Variants in SNRK observed in about 807,000 individuals in gnomAD.
SNRK encodes SNF-related serine/threonine-protein kinase.
SNRK carries 3 observed loss-of-function variants against 48.2 expected under a neutral mutation model. The observed-to-expected ratio is 0.06, with a 90% CI of 0.03 to 0.16. SNRK has a LOEUF of 0.16. Ranked by LOEUF, SNRK falls within the 10% of genes least tolerant of loss-of-function variation. The pLI, the probability that SNRK is intolerant of heterozygous loss-of-function variation, is 1.00. For missense variants in SNRK, 627 were observed against 976.0 expected (o/e 0.64, Z 4.76); for synonymous variants, 376 against 366.1 (o/e 1.03, Z -0.31).
intron 3 of SNRK, among the ~76,000 whole-genome samples, chr3:43,331,331 G>A (rs1333626393): frequency 6.6e-6 from 1 of 152,086 alleles, no homozygotes; most frequent in Non-Finnish European, 1.5e-5. Context: ...TGATTGATGG[G>A]TTTGCTTTTT....
rs200784941 is a variant in SNRK at position 43,347,271 on chromosome 3, G to A, written c.1080-68G>A. Reference sequence around the variant, plus strand: ...GATTTTGTCCCAGTAAGTTCATTGTGATGTACTTTACTATCATCTGCATAA... The same window carrying A: ...GATTTTGTCCCAGTAAGTTCATTGTAATGTACTTTACTATCATCTGCATAA... On this transcript the variant is annotated intron_variant, in intron 6 of 6. Coordinates refer to ENST00000296088, the MANE Select transcript of SNRK (RefSeq NM_017719.5). The surrounding 1 kb of genome is among the most constrained non-coding windows in gnomAD (Gnocchi z 5.4). The A allele has an allele frequency of 1.0e-4, 147 of 1,437,416 alleles. 1 individual carries two copies. The East Asian group carries it at 2.8e-3, about 27-fold the overall frequency. The allele number at this position is 1,437,416 out of a possible 1,614,324, so 89.0% of individuals were successfully genotyped here.
At position 43,322,951 on chromosome 3, in the gene SNRK, C is replaced by CAAAAAAAAAAAAAAAAAAA. The variant is rs55847039; in HGVS notation, c.590-9203_590-9202insAAAAAAAAAAAAAAAAAAA. Among the ~76,000 whole-genome samples, 8 of 72,656 alleles carry CAAAAAAAAAAAAAAAAAAA rather than the reference C, an allele frequency of 1.1e-4. 1 individual carries two copies. Among genetic ancestry groups the CAAAAAAAAAAAAAAAAAAA allele is most frequent in the African/African-American group, 3.6e-4 (6 of 16,766 alleles). 47.7% of individuals were successfully genotyped at this position (72,656 alleles called of 152,430 possible). A position where few individuals can be genotyped will look rare whatever the true frequency, so the allele number is the denominator to read the frequency against. ...TGCGCGACAGAGTAAGACTCCGTCT[C>CAAAAAAAAAAAAAAAAAAA]AAAAAAAAAAAAAAAGACTGTATTG... On this transcript the variant is annotated intron_variant, in intron 3 of 6. Coordinates refer to ENST00000296088, the MANE Select transcript of SNRK (RefSeq NM_017719.5).
At chr3:43,302,455 A>T (rs541239088) in intron 2 of SNRK, among the ~76,000 whole-genome samples, 1 of 152,132 alleles carries the variant, frequency 6.6e-6, no homozygotes, top group African/African-American at 2.4e-5. Flanking sequence ...TAGAAGAAAA[A>T]AAAATAGAAC....
chr3:43,307,976 G>A (rs1005116403), intron 3 of SNRK, among the ~76,000 whole-genome samples: 4 of 152,320 alleles, frequency 2.6e-5, no homozygotes, highest in Middle Eastern at 3.4e-3. Flanking sequence ...GTGAACACAC[G>A]AATGGTAAGA....
chr3:43,327,966 T>TG, intron 3 of SNRK, among the ~76,000 whole-genome samples: 1 of 152,002 alleles, frequency 6.6e-6, no homozygotes, highest in East Asian at 1.9e-4. Flanking sequence ...GGTTTTTTTT[T>TG]TTTAAACCAA....
chr3:43,335,255 C>G (rs935004784), intron 4 of SNRK, among the ~76,000 whole-genome samples: 1 of 152,088 alleles, frequency 6.6e-6, no homozygotes, highest in Non-Finnish European at 1.5e-5. Context: ...TAGCTGCATC[C>G]CACTAGTTTT....
At chr3:43,335,366 A>G (rs2091178312) in intron 4 of SNRK, among the ~76,000 whole-genome samples, 1 of 152,188 alleles carries the variant, frequency 6.6e-6, no homozygotes, top group African/African-American at 2.4e-5. Context: ...TACATTTCCA[A>G]ATGTATGGCG....
In SNRK at chr3:43,297,263, GACCTGATGAGAAGTCATC is replaced by G. The variant is rs1215737495; in HGVS notation, c.-168-2489_-168-2472del. Reference sequence around the variant, plus strand: ...GTTAAGTATAGAGGATGTACACTCGGACCTGATGAGAAGTCATCATAGATGAGCGTATAGGTGATTTTT... The same window carrying G: ...GTTAAGTATAGAGGATGTACACTCGGATAGATGAGCGTATAGGTGATTTTT... On this transcript the variant is annotated intron_variant, in intron 1 of 6. Coordinates refer to ENST00000296088, the MANE Select transcript of SNRK (RefSeq NM_017719.5). 2.6e-5 allele frequency among the ~76,000 whole-genome samples: 4 copies of G among 152,284 alleles called. No individual in the cohort carries two copies. In the East Asian group the frequency reaches 7.7e-4, roughly 29 times the overall value.
chr3:43,311,024 A>T (rs762049918), intron 3 of SNRK, among the ~76,000 whole-genome samples: 2 of 151,974 alleles, frequency 1.3e-5, no homozygotes, highest in Non-Finnish European at 2.9e-5. Context: ...TACTCTAGTG[A>T]TATGGGAGAG....
In SNRK at chr3:43,347,948, C is replaced by T; in HGVS notation, c.1689C>T (p.Ser563=). Residue 563 remains serine, a synonymous_variant, in exon 7 of 7, where the codon TCC becomes TCT. Transcript: ENST00000296088. The surrounding 1 kb of genome is among the most constrained non-coding windows in gnomAD (Gnocchi z 5.4). ...ATAAAGATAGCGGGTTCACCTACTCCTGGCACCGACGGGATAGCAGCGAGG... is the reference window on the plus strand; with the variant it reads ...ATAAAGATAGCGGGTTCACCTACTCTTGGCACCGACGGGATAGCAGCGAGG... ...RLDKDSGFTY[S]WHRRDSSEGP... 1 of 1,614,118 alleles carries T rather than the reference C, an allele frequency of 6.2e-7. No homozygotes were observed. The highest frequency in any genetic ancestry group is 1.1e-5 in the South Asian group (1 of 91,086).
intron 1 of SNRK, among the ~76,000 whole-genome samples, chr3:43,287,482 G>A (rs764701591): frequency 6.6e-6 from 1 of 152,168 alleles, no homozygotes; most frequent in Non-Finnish European, 1.5e-5. Flanking sequence ...GCTTTGGGGA[G>A]AATTTAGCAG....
chr3:43,300,508 A>G lies in SNRK; in HGVS notation c.-107+693A>G, dbSNP rs140333403. 2.7e-3 allele frequency among the ~76,000 whole-genome samples: 413 copies of G among 152,294 alleles called. 2 individuals are homozygous for G. Among genetic ancestry groups the G allele is most frequent in the Non-Finnish European group, 3.8e-3 (260 of 68,008 alleles). On this transcript the variant is annotated intron_variant, in intron 2 of 6. Transcript: ENST00000296088. ...AATGTGTTTTGAAAGCTAAAGTGGC[A>G]TTTGCAAGCTTATGCAATAGCAACA...
At position 43,322,876 on chromosome 3, in the gene SNRK, C is replaced by T. The variant is rs371088481; in HGVS notation, c.590-9293C>T. On this transcript the variant is annotated intron_variant, in intron 3 of 6. Transcript: ENST00000296088. The stretch of plus-strand genomic sequence containing the variant: ...CTGAGGCAGGAGAATGGCGTGAACC[C>T]GGGAGGCGGAGCTTACAGTGAGCCG... Among the ~76,000 whole-genome samples, 61 of 133,442 alleles carry T rather than the reference C, an allele frequency of 4.6e-4. No homozygotes were observed. In the East Asian group the frequency reaches 0.013, roughly 28 times the overall value. The allele number at this position is 133,442 out of a possible 152,430, so 87.5% of individuals were successfully genotyped here. A position where few individuals can be genotyped will look rare whatever the true frequency, so the allele number is the denominator to read the frequency against.
chr3:43,309,847 T>G (rs955401137), intron 3 of SNRK, among the ~76,000 whole-genome samples: 1 of 152,078 alleles, frequency 6.6e-6, no homozygotes, highest in Non-Finnish European at 1.5e-5. Context: ...ATAAAGTTTT[T>G]TTTGTTGTTT....
intron 4 of SNRK, among the ~76,000 whole-genome samples, chr3:43,335,817 T>C (rs2091183487): frequency 6.6e-6 from 1 of 152,216 alleles, no homozygotes. Context: ...AATGGCCCTC[T>C]TTAGTACTGC....
chr3:43,314,014 A>T (rs139878749), intron 3 of SNRK, among the ~76,000 whole-genome samples: 12 of 152,208 alleles, frequency 7.9e-5, no homozygotes, highest in Admixed American at 3.3e-4. Context: ...GAAACACAGT[A>T]TATTTTGCAG....
intron 4 of SNRK, among the ~76,000 whole-genome samples, chr3:43,335,642 G>T (rs2091182058): frequency 6.6e-6 from 1 of 152,020 alleles, no homozygotes; most frequent in Non-Finnish European, 1.5e-5. Flanking sequence ...TTCTCCTACT[G>T]GATCTATCAG....
At chr3:43,294,434 A>G (rs987670879) in intron 1 of SNRK, among the ~76,000 whole-genome samples, 3 of 152,228 alleles carry the variant, frequency 2.0e-5, no homozygotes, top group African/African-American at 4.8e-5. Flanking sequence ...TGCATGAAAC[A>G]AAGTTATTAC....
chr3:43,293,583 A>G (rs1186015935), intron 1 of SNRK, among the ~76,000 whole-genome samples: 1 of 152,146 alleles, frequency 6.6e-6, no homozygotes, highest in Non-Finnish European at 1.5e-5. Flanking sequence ...AAGTTTTTAA[A>G]ATATATACAT....
Sources: gnomAD v4.1 joint callset for allele counts (sites outside exome capture counted in the v4.1 genomes callset) on GRCh38, gnomAD v4.1.1 for gene constraint, Gnocchi (gnomAD v3.1) non-coding constraint, MANE v1.5 for transcripts, NCBI Gene and HGNC (gene_info 2026-07-23, HGNC 2026-07-21) for gene names.